SGCZ: variants seen among roughly 807,000 people sequenced by gnomAD.
SGCZ encodes zeta-sarcoglycan.
Under a neutral mutation model 41.3 loss-of-function variants are expected in SGCZ, and 40 were observed. That is an observed-to-expected ratio of 0.97 (90% CI 0.75 to 1.26). The LOEUF (loss-of-function observed/expected upper bound fraction) is 1.26, where lower values mean the gene tolerates loss of function less well. Among genes scored for constraint, SGCZ ranks in the 50% most tolerant of loss-of-function variants. SGCZ has a pLI of 0.00. For missense variants in SGCZ, 552 were observed against 369.8 expected, an observed-to-expected ratio of 1.49 and a Z score of -4.04; for synonymous variants, 206 against 137.5, an observed-to-expected ratio of 1.50 and a Z score of -3.49.
chr8:14,771,556 G>A (rs1800239163), intron 1 of SGCZ, among the ~76,000 whole-genome samples: 1 of 151,852 alleles, frequency 6.6e-6, no homozygotes, highest in Admixed American at 6.6e-5. Flanking sequence ...AACTTCTGTA[G>A]AACATAAACA....
intron 7 of SGCZ, among the ~76,000 whole-genome samples, chr8:14,092,990 C>T (rs1179441003): frequency 2.0e-5 from 3 of 151,974 alleles, no homozygotes; most frequent in Middle Eastern, 3.2e-3. Context: ...ATCATGGACT[C>T]ACCACTTTGA....
intron 1 of SGCZ, among the ~76,000 whole-genome samples, chr8:14,708,985 C>T (rs1809420597): frequency 6.6e-6 from 1 of 152,020 alleles, no homozygotes; most frequent in South Asian, 2.1e-4. Flanking sequence ...TTCATCTTGA[C>T]CCAATTTATA....
chr8:14,557,808 C>A (rs1022173043), intron 1 of SGCZ, among the ~76,000 whole-genome samples: 1 of 151,762 alleles, frequency 6.6e-6, no homozygotes, highest in Non-Finnish European at 1.5e-5. Flanking sequence ...AGAAAATAAC[C>A]AAGATCAGAG....
At chr8:15,032,177 G>A (rs139872324) in intron 1 of SGCZ, among the ~76,000 whole-genome samples, 172 of 152,060 alleles carry the variant, frequency 1.1e-3, no homozygotes, top group East Asian at 6.0e-3. Context: ...ACATTCAAGC[G>A]CTCACACCCC....
chr8:14,602,994 A>T (rs953103058), intron 1 of SGCZ, among the ~76,000 whole-genome samples: 41 of 152,168 alleles, frequency 2.7e-4, no homozygotes, highest in African/African-American at 9.6e-4. Context: ...CAGCAGGGAA[A>T]AAAAGCCATG....
chr8:14,919,281 T>C (rs1021461961), intron 1 of SGCZ, among the ~76,000 whole-genome samples: 2 of 151,502 alleles, frequency 1.3e-5, no homozygotes, highest in African/African-American at 2.4e-5. Context: ...TCTACTAAAA[T>C]ACAAAAGAAA....
chr8:14,813,700 C>T (rs1426321108), intron 1 of SGCZ, among the ~76,000 whole-genome samples: 1 of 152,100 alleles, frequency 6.6e-6, no homozygotes, highest in Admixed American at 6.6e-5. Flanking sequence ...GCCTGTAATC[C>T]CAACACTTTC....
intron 5 of SGCZ, among the ~76,000 whole-genome samples, chr8:14,150,302 A>G (rs1161877201): frequency 6.6e-6 from 1 of 152,196 alleles, no homozygotes; most frequent in Non-Finnish European, 1.5e-5. Flanking sequence ...ATTAATAACC[A>G]GAATACATAA....
At chr8:15,022,632 G>T (rs183287155) in intron 1 of SGCZ, among the ~76,000 whole-genome samples, 2 of 152,076 alleles carry the variant, frequency 1.3e-5, no homozygotes, top group Non-Finnish European at 2.9e-5. Flanking sequence ...GTGAACCATC[G>T]TGCCTGGCCT....
chr8:15,122,627 G>C (rs995443583), intron 1 of SGCZ, among the ~76,000 whole-genome samples: 4 of 152,260 alleles, frequency 2.6e-5, no homozygotes, highest in African/African-American at 9.6e-5. Flanking sequence ...TGCCCAGCAT[G>C]AGCCCCTCTC....
At chr8:15,095,011 T>G (rs893723112) in intron 1 of SGCZ, among the ~76,000 whole-genome samples, 1 of 152,222 alleles carries the variant, frequency 6.6e-6, no homozygotes, top group Non-Finnish European at 1.5e-5. Flanking sequence ...TACCTTCATT[T>G]CACCCAAAAC....
At chr8:14,267,451 T>C (rs1163871624) in intron 3 of SGCZ, among the ~76,000 whole-genome samples, 1 of 152,078 alleles carries the variant, frequency 6.6e-6, no homozygotes, top group Non-Finnish European at 1.5e-5. Context: ...ATAAGAGAAA[T>C]AGTGAACTGG....
chr8:14,527,355 G>T (rs1008155049), intron 2 of SGCZ, among the ~76,000 whole-genome samples: 1 of 152,092 alleles, frequency 6.6e-6, no homozygotes, highest in Non-Finnish European at 1.5e-5. Flanking sequence ...AGGCTAGAGC[G>T]CAGTGGCGCG....
intron 1 of SGCZ, among the ~76,000 whole-genome samples, chr8:14,647,525 C>A (rs1807261866): frequency 6.6e-6 from 1 of 151,950 alleles, no homozygotes; most frequent in African/African-American, 2.4e-5. Context: ...CACCTTCTCC[C>A]TTTCTCTTTC....
chr8:14,946,052 A>ATATATATG (rs1800434647), intron 1 of SGCZ, among the ~76,000 whole-genome samples: 1 of 97,758 alleles, frequency 1.0e-5, no homozygotes, highest in Non-Finnish European at 2.0e-5. Context: ...ATATATATAT[A>ATATATATG]TATGAATCAT....
rs548437606 is a variant in SGCZ at position 14,455,751 on chromosome 8, A to C, written c.234+98981T>G. Among the ~76,000 whole-genome samples the C allele has an allele frequency of 3.3e-4, 50 of 152,328 alleles. 1 individual carries two copies. The highest frequency in any genetic ancestry group is 1.2e-3 in the African/African-American group (48 of 41,586). ...AATAAATTATGGCACATTTACACAA[A>C]AGAGTTCTTGGCAGTGTTAAACAAG... On this transcript the variant is annotated intron_variant, in intron 2 of 7. Transcript: ENST00000382080.
At chr8:14,666,944 CAT>C (rs956733203) in intron 1 of SGCZ, among the ~76,000 whole-genome samples, 28 of 151,858 alleles carry the variant, frequency 1.8e-4, no homozygotes, top group Non-Finnish European at 4.0e-4. Context: ...TAAACACACA[CAT>C]ATATATGCAC....
rs534426935 is a variant in SGCZ at position 14,688,640 on chromosome 8, C to G, written c.40-133714G>C. ...AAATCAGGTAGCGTGACGCCTCCAGCATTGTACTTTTGGCTTAGGATTGAC... is the reference window on the plus strand; with the variant it reads ...AAATCAGGTAGCGTGACGCCTCCAGGATTGTACTTTTGGCTTAGGATTGAC... On this transcript the variant is annotated intron_variant, in intron 1 of 7. Transcript: ENST00000382080. 1.1e-4 allele frequency among the ~76,000 whole-genome samples: 17 copies of G among 152,210 alleles called. No homozygotes were observed. The East Asian group carries it at 2.9e-3, about 26-fold the overall frequency.
At chr8:14,327,669 G>T (rs1802170925) in intron 2 of SGCZ, among the ~76,000 whole-genome samples, 1 of 152,142 alleles carries the variant, frequency 6.6e-6, no homozygotes, top group Non-Finnish European at 1.5e-5. Flanking sequence ...TTTCAGTCTT[G>T]AGCTTCGTGT....
Sources: allele counts gnomAD v4.1 joint callset (sites outside exome capture counted in the v4.1 genomes callset), GRCh38; gene constraint gnomAD v4.1.1; transcripts MANE v1.5; gene names NCBI Gene and HGNC (gene_info 2026-07-23, HGNC 2026-07-21).